The following CDH2 variants were observed in gnomAD, a reference collection of about 807,000 sequenced individuals.
CDH2 encodes cadherin-2.
A neutral mutation model predicts 92.0 loss-of-function variants in CDH2; 17 were observed. The ratio of observed to expected loss-of-function variants is 0.18; its 90% CI spans 0.13 to 0.28. CDH2 has a LOEUF of 0.28. Among genes scored for constraint, CDH2 ranks in the 10% least tolerant of loss-of-function variants. CDH2 has a pLI of 1.00. For synonymous variants in CDH2, 419 were observed against 415.9 expected, an observed-to-expected ratio of 1.01 and a Z score of -0.09; for missense variants, 862 against 1,133.1, an observed-to-expected ratio of 0.76 and a Z score of 3.44.
chr18:27,965,827 T>C (rs930223549), intron 14 of CDH2, among the ~76,000 whole-genome samples: 40 of 151,570 alleles, frequency 2.6e-4, no homozygotes, highest in African/African-American at 9.4e-4. Context: ...TACTAAAAAA[T>C]ACAAAAATCA....
intron 9 of CDH2, among the ~76,000 whole-genome samples, chr18:27,991,268 G>T (rs539681385): frequency 1.7e-3 from 265 of 152,206 alleles, no homozygotes; most frequent in African/African-American, 5.8e-3. Context: ...GCTCATAATT[G>T]GTAGCCTAAG....
intron 1 of CDH2, among the ~76,000 whole-genome samples, chr18:28,162,578 G>T (rs934145395): frequency 1.3e-5 from 2 of 151,906 alleles, no homozygotes; most frequent in African/African-American, 4.8e-5. Flanking sequence ...TTCTTAAGCC[G>T]AGTTTGCTCC....
intron 15 of CDH2, among the ~76,000 whole-genome samples, chr18:27,953,467 G>T (rs936163727): frequency 6.6e-6 from 1 of 151,972 alleles, no homozygotes; most frequent in African/African-American, 2.4e-5. Flanking sequence ...CACTCTACTT[G>T]TCAAATGCTA....
chr18:27,960,643 T>C (rs1281698711), intron 15 of CDH2, among the ~76,000 whole-genome samples: 1 of 152,208 alleles, frequency 6.6e-6, no homozygotes, highest in African/African-American at 2.4e-5. Flanking sequence ...TATGCTTTTA[T>C]CTATATATTA....
At chr18:28,092,356 G>T (rs2015051622) in intron 2 of CDH2, among the ~76,000 whole-genome samples, 1 of 148,892 alleles carries the variant, frequency 6.7e-6, no homozygotes, top group South Asian at 2.2e-4. Context: ...CTAAAGAAAT[G>T]ATTACCTTCA....
At chr18:28,072,485 T>C (rs930493855) in intron 2 of CDH2, among the ~76,000 whole-genome samples, 4 of 152,196 alleles carry the variant, frequency 2.6e-5, no homozygotes, top group Admixed American at 6.5e-5. Flanking sequence ...CCACCATCTG[T>C]AATCATGCAC....
In CDH2 at chr18:28,097,463, C is replaced by A. The variant is rs149204313; in HGVS notation, c.172+50210G>T. 2.0e-5 allele frequency among the ~76,000 whole-genome samples: 3 copies of A among 151,912 alleles called. No individual in the cohort carries two copies. In the East Asian group the frequency reaches 5.8e-4, roughly 29 times the overall value. ...TTTGTTCTTGCAAGTGCATTCATAT[C>A]TAATCTGCATTTCTGTCCATTTCTA... On this transcript the variant is annotated intron_variant, in intron 2 of 15. Coordinates refer to ENST00000269141, the MANE Select transcript of CDH2 (RefSeq NM_001792.5).
intron 6 of CDH2, among the ~76,000 whole-genome samples, chr18:27,933,577 G>T (rs555053843): frequency 5.3e-5 from 8 of 152,272 alleles, no homozygotes; most frequent in African/African-American, 1.7e-4. Flanking sequence ...AAGAAAGAGA[G>T]AAAAGGAGGG....
chr18:28,140,806 C>T (rs2015940101), intron 2 of CDH2, among the ~76,000 whole-genome samples: 1 of 150,078 alleles, frequency 6.7e-6, no homozygotes, highest in Admixed American at 6.7e-5. Flanking sequence ...CCAGAATATA[C>T]AAAGAAGTCT....
intron 2 of CDH2, chr18:28,146,621 C>A (rs796229964): frequency 3.9e-5 from 6 of 152,124 alleles, no homozygotes; most frequent in African/African-American, 1.4e-4. Context: ...TAAAATGTAA[C>A]CTGCACCCAA....
chr18:27,946,189 G>C (rs1157821937), downstream of CDH2, among the ~76,000 whole-genome samples: 1 of 152,060 alleles, frequency 6.6e-6, no homozygotes, highest in Non-Finnish European at 1.5e-5. Context: ...CCAAATGGAA[G>C]TAAAACATTA....
intron 2 of CDH2, among the ~76,000 whole-genome samples, chr18:28,048,498 T>C (rs564425020): frequency 6.6e-6 from 1 of 152,314 alleles, no homozygotes; most frequent in South Asian, 2.1e-4. Context: ...TTATAAAGAA[T>C]AACTGTATTC....
intron 2 of CDH2, among the ~76,000 whole-genome samples, chr18:28,041,117 A>T (rs2144105837): frequency 6.6e-6 from 1 of 152,352 alleles, no homozygotes; most frequent in Non-Finnish European, 1.5e-5. Context: ...ACATTGAGAG[A>T]AAAACATAAA....
intron 2 of CDH2, among the ~76,000 whole-genome samples, chr18:28,130,569 T>C (rs907316229): frequency 6.6e-6 from 1 of 152,156 alleles, no homozygotes; most frequent in Non-Finnish European, 1.5e-5. Context: ...GCACCAAGCC[T>C]AGCTGAGATG....
chr18:27,981,931 T>C (rs1392077907), intron 14 of CDH2, among the ~76,000 whole-genome samples: 3 of 152,216 alleles, frequency 2.0e-5, no homozygotes, highest in South Asian at 4.1e-4. Flanking sequence ...CCTGTCATAG[T>C]GATTTCTCAT....
intron 2 of CDH2, among the ~76,000 whole-genome samples, chr18:28,141,928 C>T (rs1216722253): frequency 6.6e-6 from 1 of 151,934 alleles, no homozygotes; most frequent in African/African-American, 2.4e-5. Flanking sequence ...CCATCACCAA[C>T]ATCAGTTCTT....
At position 27,963,453 on chromosome 18, in the gene CDH2, G is replaced by T. The variant is rs144671067; in HGVS notation, c.2418C>A (p.Ile806=). The T allele has an allele frequency of 4.3e-6, 7 of 1,613,930 alleles. No homozygotes were observed. The highest frequency in any genetic ancestry group is 5.9e-6 in the Non-Finnish European group (7 of 1,180,004). ...VEPDAIKPVG[I]RRMDERPIHA... Reference sequence around the variant, plus strand: ...GGATGGGTCTTTCATCCATTCGTCGGATTCCCACAGGCTTGATGGCATCAG... The same window carrying T: ...GGATGGGTCTTTCATCCATTCGTCGTATTCCCACAGGCTTGATGGCATCAG... Residue 806 remains isoleucine (I), a synonymous_variant, in exon 15 of 16, where the codon ATC becomes ATA. Transcript: ENST00000269141.
intron 2 of CDH2, among the ~76,000 whole-genome samples, chr18:28,074,934 G>A (rs1372215885): frequency 6.6e-6 from 1 of 152,054 alleles, no homozygotes; most frequent in Non-Finnish European, 1.5e-5. Context: ...CAAAAAATGA[G>A]TATTGGAAAG....
At chr18:28,153,290 T>C (rs1300496499) in intron 1 of CDH2, among the ~76,000 whole-genome samples, 1 of 152,144 alleles carries the variant, frequency 6.6e-6, no homozygotes, top group African/African-American at 2.4e-5. Context: ...AACTGTTAAG[T>C]TATGGCTTCC....
Sources: allele counts gnomAD v4.1 joint callset (sites outside exome capture counted in the v4.1 genomes callset), GRCh38; gene constraint gnomAD v4.1.1; transcripts MANE v1.5; gene names NCBI Gene and HGNC (gene_info 2026-07-23, HGNC 2026-07-21).